Variants in SPRY3 observed in about 807,000 individuals in gnomAD.
SPRY3 encodes the protein sprouty RTK signaling antagonist 3.
SPRY3 carries 15 observed loss-of-function variants against 20.2 expected under a neutral mutation model. The ratio of observed to expected loss-of-function variants is 0.74; its 90% CI spans 0.50 to 1.14. The LOEUF is 1.14. SPRY3 is among the 50% of genes most tolerant of loss of function. SPRY3 has a pLI of 0.00. For synonymous variants in SPRY3, 143 were observed against 136.5 expected (o/e 1.05, Z -0.33); for missense variants, 364 against 363.9 (o/e 1.00, Z 0.00).
At chrX:155,696,203 TAC>T (rs2123996771) in intron 2 of SPRY3, among the ~76,000 whole-genome samples, 1 of 99,732 alleles carries the variant, frequency 1.0e-5, no homozygotes. Flanking sequence ...GTTTATTACA[TAC>T]ACACACAACA....
At chrX:155,741,775 C>T (rs2091205569) in intron 2 of SPRY3, among the ~76,000 whole-genome samples, 2 of 152,104 alleles carry the variant, frequency 1.3e-5, no homozygotes. Context: ...AAATAAGATC[C>T]TTTTCAGAAA....
chrX:155,673,498 GAAGTTTGTCAGAAATGCTGCCA>G (rs1234196156), intron 2 of SPRY3, among the ~76,000 whole-genome samples: 1 of 111,732 alleles, frequency 8.9e-6, no homozygotes, highest in African/African-American at 3.2e-5. Context: ...ATTTCTGGCT[GAAGTTTGTCAGAAATGCTGCCA>G]AAGTGTGGAA....
intron 2 of SPRY3, among the ~76,000 whole-genome samples, chrX:155,767,432 A>G (rs942190487): frequency 1.6e-4 from 24 of 152,052 alleles, no homozygotes; most frequent in Admixed American, 6.5e-4. Flanking sequence ...ATAATCACAC[A>G]CTGGCGGTAT....
At chrX:155,712,817 G>GT (rs956453449) in intron 2 of SPRY3, among the ~76,000 whole-genome samples, 2 of 151,122 alleles carry the variant, frequency 1.3e-5, no homozygotes. Context: ...TTAATTTCTT[G>GT]TTTTTTATTT....
exon 4 of SPRY3, chrX:155,774,069 C>T (rs1263848854): frequency 6.2e-7 from 1 of 1,613,982 alleles, no homozygotes; most frequent in South Asian, 1.1e-5. Flanking sequence ...CCCGCAGTCT[C>T]AGCCAGTGCC....
intron 2 of SPRY3, chrX:155,767,690 A>AGGAGGAGAAAGAGGC (rs2091343627): frequency 7.8e-6 from 1 of 127,508 alleles, no homozygotes; most frequent in African/African-American, 3.2e-5. Flanking sequence ...AAAGAGGCGG[A>AGGAGGAGAAAGAGGC]GGAGGAGGAG....
At chrX:155,770,811 TC>T (rs1380840859) in intron 3 of SPRY3, among the ~76,000 whole-genome samples, 1 of 152,152 alleles carries the variant, frequency 6.6e-6, no homozygotes, top group African/African-American at 2.4e-5. Flanking sequence ...TCTTGCCTGT[TC>T]CTTTCTCAAC....
At chrX:155,767,612 G>C (rs1218166302) in intron 2 of SPRY3, among the ~76,000 whole-genome samples, 2 of 148,808 alleles carry the variant, frequency 1.3e-5, no homozygotes, top group Admixed American at 1.3e-4. Flanking sequence ...GAGGGCAAGA[G>C]GAGGGGAAGG....
intron 2 of SPRY3, among the ~76,000 whole-genome samples, chrX:155,686,298 T>C (rs1232910446): frequency 8.9e-6 from 1 of 111,781 alleles, no homozygotes; most frequent in Admixed American, 9.5e-5. Flanking sequence ...TTTTCATGCT[T>C]CTTTGTACGC....
At chrX:155,696,234 C>T (rs538470) in intron 2 of SPRY3, among the ~76,000 whole-genome samples, 30,828 of 98,911 alleles carry the variant, frequency 0.31, 4,620 homozygotes, top group African/African-American at 0.53. Context: ...CACACACACA[C>T]ATATATATAT....
In SPRY3 at chrX:155,690,406, A is replaced by T. The variant is rs904971647; in HGVS notation, c.-282+33381A>T. On this transcript the variant is annotated intron_variant, in intron 2 of 3. Coordinates refer to ENST00000675360, the Ensembl canonical transcript of SPRY3. ...TAAAAGGCATAGAGTGGCAATCTGG[A>T]TAGAGAACCAAGACCCATTGGTATG... Among the ~76,000 whole-genome samples the T allele has an allele frequency of 3.4e-5, 3 of 88,138 alleles. 1 individual carries two copies. Among genetic ancestry groups the T allele is most frequent in the African/African-American group, 1.6e-4 (3 of 18,356 alleles). The allele number at this position is 88,138 out of a possible 115,157, so 76.5% of individuals were successfully genotyped here. A position where few individuals can be genotyped will look rare whatever the true frequency, so the allele number is the denominator to read the frequency against.
chrX:155,707,674 C>T (rs770708647), intron 2 of SPRY3, among the ~76,000 whole-genome samples: 2 of 151,036 alleles, frequency 1.3e-5, no homozygotes, highest in East Asian at 3.9e-4. Flanking sequence ...TGAACTGGTC[C>T]CTTTATTTCT....
chrX:155,723,835 G>A (rs1346318603), intron 2 of SPRY3, among the ~76,000 whole-genome samples: 1 of 152,124 alleles, frequency 6.6e-6, no homozygotes, highest in Non-Finnish European at 1.5e-5. Context: ...TGCTTTTGAT[G>A]TTTTGGTTAT....
At chrX:155,750,135 G>C (rs1418901175) in intron 2 of SPRY3, among the ~76,000 whole-genome samples, 1 of 151,852 alleles carries the variant, frequency 6.6e-6, no homozygotes, top group Admixed American at 6.6e-5. Context: ...GCAGCAACAT[G>C]GATGCAGCTA....
intron 1 of SPRY3, 150 bp downstream of exon 1, chrX:155,612,797 C>T (rs1257817657): frequency 8.9e-6 from 1 of 112,229 alleles, no homozygotes; most frequent in Non-Finnish European, 1.9e-5. Flanking sequence ...CCCACCTGTG[C>T]TGGAGGTCGT....
chrX:155,700,083 TAAAC>T (rs1488839745), intron 2 of SPRY3, among the ~76,000 whole-genome samples: 1 of 105,927 alleles, frequency 9.4e-6, no homozygotes, highest in Non-Finnish European at 1.9e-5. Context: ...AAAATGGTTG[TAAAC>T]AAACAACAAA....
At chrX:155,625,432 C>T (rs1217819663) in intron 1 of SPRY3, among the ~76,000 whole-genome samples, 7 of 111,616 alleles carry the variant, frequency 6.3e-5, no homozygotes, top group Non-Finnish European at 1.9e-5. Flanking sequence ...GCAATTATTA[C>T]AACAATTTTC....
intron 3 of SPRY3, among the ~76,000 whole-genome samples, chrX:155,769,888 T>G (rs2091370586): frequency 6.6e-6 from 1 of 152,158 alleles, no homozygotes; most frequent in Non-Finnish European, 1.5e-5. Context: ...TATATACAAC[T>G]TGGTATTTGT....
intron 2 of SPRY3, among the ~76,000 whole-genome samples, chrX:155,724,928 C>A (rs1207615012): frequency 6.6e-6 from 1 of 152,018 alleles, no homozygotes; most frequent in Non-Finnish European, 1.5e-5. Context: ...CAGTTTTTGC[C>A]CATTCAGTAT....
Sources: allele counts gnomAD v4.1 joint callset (sites outside exome capture counted in the v4.1 genomes callset), GRCh38; gene constraint gnomAD v4.1.1; transcripts MANE v1.5; gene names NCBI Gene and HGNC (gene_info 2026-07-23, HGNC 2026-07-21).